TOM1L2: variants seen among roughly 807,000 people sequenced by gnomAD.
TOM1L2 encodes the protein TOM1-like protein 2.
TOM1L2 carries 31 observed loss-of-function variants against 67.9 expected under a neutral mutation model. That is an observed-to-expected ratio of 0.46 (90% CI 0.34 to 0.62). The LOEUF is 0.62. Among genes scored for constraint, TOM1L2 ranks in the 20% least tolerant of loss-of-function variants. The pLI is 0.01. For missense variants in TOM1L2, 606 were observed against 663.5 expected, an observed-to-expected ratio of 0.91 and a Z score of 0.95; for synonymous variants, 256 against 254.0, an observed-to-expected ratio of 1.01 and a Z score of -0.07.
At chr17:17,879,569 A>G in intron 7 of TOM1L2, 58 bp downstream of exon 7, 1 of 1,397,480 alleles carries the variant, frequency 7.2e-7, no homozygotes, top group Non-Finnish European at 1.0e-6. Context: ...GGATCCTCCA[A>G]CAGTGTACGG....
At chr17:17,965,795 C>T (rs1052656348) in intron 1 of TOM1L2, among the ~76,000 whole-genome samples, 1 of 152,178 alleles carries the variant, frequency 6.6e-6, no homozygotes, top group African/African-American at 2.4e-5. Context: ...GTCTCTGGCA[C>T]ATAGGAATAC....
At chr17:17,890,933 C>T (rs2038241112) in intron 4 of TOM1L2, among the ~76,000 whole-genome samples, 1 of 152,194 alleles carries the variant, frequency 6.6e-6, no homozygotes, top group Non-Finnish European at 1.5e-5. Context: ...CCAAGCCACC[C>T]ACAGCTGAAT....
intron 1 of TOM1L2, among the ~76,000 whole-genome samples, chr17:17,958,304 C>G (rs1401594143): frequency 6.6e-6 from 1 of 152,098 alleles, no homozygotes; most frequent in Non-Finnish European, 1.5e-5. Flanking sequence ...CCAGACTTTC[C>G]CAGTCCTAGC....
intron 1 of TOM1L2, among the ~76,000 whole-genome samples, chr17:17,938,117 T>C (rs180964056): frequency 2.6e-5 from 4 of 151,906 alleles, no homozygotes; most frequent in Admixed American, 6.5e-5. Flanking sequence ...CGTGGTGCAA[T>C]GGGAAGAGGA....
chr17:17,851,649 T>G (rs1383701791), intron 12 of TOM1L2, among the ~76,000 whole-genome samples: 1 of 152,174 alleles, frequency 6.6e-6, no homozygotes, highest in African/African-American at 2.4e-5. Flanking sequence ...GGGGCTTTAG[T>G]CTTCTTTGTG....
At chr17:17,963,275 G>A (rs557857501) in intron 1 of TOM1L2, among the ~76,000 whole-genome samples, 68 of 152,174 alleles carry the variant, frequency 4.5e-4, no homozygotes, top group Non-Finnish European at 9.0e-4. Context: ...CTAAGTGCTG[G>A]AAGAGAACAA....
intron 1 of TOM1L2, among the ~76,000 whole-genome samples, chr17:17,924,181 A>G (rs1004422892): frequency 5.3e-5 from 8 of 152,260 alleles, no homozygotes; most frequent in Admixed American, 5.2e-4. Context: ...ATATTGTATG[A>G]TTCCATTTAT....
Position 17,844,424 on chromosome 17 carries a change from G to C in TOM1L2, c.*3211C>G, listed in dbSNP as rs2035539252. 6.6e-6 allele frequency: 1 copy of C among 152,314 alleles called. No individual in the cohort carries two copies. Among genetic ancestry groups the C allele is most frequent in the Non-Finnish European group, 1.5e-5 (1 of 68,092 alleles). The allele number at this position is 152,314 out of a possible 1,614,324, so 9.4% of individuals were successfully genotyped here. ...ACAGCACAGGCCCCAAGACCACCAGGTGGCATGGTGGGGTGGTGGGGGAAG... is the reference window on the plus strand; with the variant it reads ...ACAGCACAGGCCCCAAGACCACCAGCTGGCATGGTGGGGTGGTGGGGGAAG... On this transcript the variant is annotated 3_prime_UTR_variant, in exon 15 of 15. Coordinates refer to ENST00000379504, the MANE Select transcript of TOM1L2 (RefSeq NM_001082968.2).
intron 12 of TOM1L2, among the ~76,000 whole-genome samples, chr17:17,851,798 G>T (rs890746020): frequency 1.7e-4 from 26 of 152,220 alleles, no homozygotes; most frequent in African/African-American, 6.3e-4. Context: ...GGGCGCAGCA[G>T]CCAGAGCCAG....
At chr17:17,928,228 A>T (rs2040177688) in intron 1 of TOM1L2, among the ~76,000 whole-genome samples, 1 of 152,230 alleles carries the variant, frequency 6.6e-6, no homozygotes, top group Non-Finnish European at 1.5e-5. Context: ...CCCTAAGGAA[A>T]TAAATAAGGG....
chr17:17,956,589 G>A (rs984884836), intron 1 of TOM1L2, among the ~76,000 whole-genome samples: 1 of 152,198 alleles, frequency 6.6e-6, no homozygotes, highest in African/African-American at 2.4e-5. Context: ...AGGAGCCCAC[G>A]GCAGGGAGGC....
intron 1 of TOM1L2, among the ~76,000 whole-genome samples, chr17:17,916,426 T>C (rs920465088): frequency 1.3e-5 from 2 of 152,204 alleles, no homozygotes; most frequent in Admixed American, 6.5e-5. Flanking sequence ...GTCTTTGGTC[T>C]GTTTGGGGTT....
At chr17:17,970,965 G>C (rs2042049077) in intron 1 of TOM1L2, among the ~76,000 whole-genome samples, 1 of 152,080 alleles carries the variant, frequency 6.6e-6, no homozygotes, top group Non-Finnish European at 1.5e-5. Context: ...CACTGCCTTG[G>C]GTAAAAAGGC....
chr17:17,848,451 G>A (rs1414095609), intron 14 of TOM1L2, among the ~76,000 whole-genome samples: 1 of 152,220 alleles, frequency 6.6e-6, no homozygotes, highest in Admixed American at 6.5e-5. Flanking sequence ...TGAGGCCCAG[G>A]AGAGGCTCCT....
intron 10 of TOM1L2, 80 bp from the exon 11 acceptor site, chr17:17,862,928 C>A: frequency 2.0e-6 from 2 of 991,220 alleles, no homozygotes; most frequent in Non-Finnish European, 3.0e-6. Flanking sequence ...CAAGCTAGGA[C>A]GCCAGCCAGG....
chr17:17,882,235 C>T (rs2037761289), intron 6 of TOM1L2, among the ~76,000 whole-genome samples: 1 of 152,174 alleles, frequency 6.6e-6, no homozygotes, highest in African/African-American at 2.4e-5. Flanking sequence ...TAGACAAGCC[C>T]GTCACAACTC....
intron 7 of TOM1L2, among the ~76,000 whole-genome samples, chr17:17,876,841 G>A (rs576008643): frequency 6.6e-6 from 1 of 152,346 alleles, no homozygotes; most frequent in African/African-American, 2.4e-5. Context: ...AAGCAAGAGG[G>A]CTGCTGTGAA....
In TOM1L2 at chr17:17,846,030, T is replaced by G. The variant is rs1216910176; in HGVS notation, c.*1605A>C. 1.3e-5 allele frequency: 2 copies of G among 152,292 alleles called. No homozygotes were observed. The highest frequency in any genetic ancestry group is 6.5e-5 in the Admixed American group (1 of 15,276). 9.4% of individuals were successfully genotyped at this position (152,292 alleles called of 1,614,324 possible). On this transcript the variant is annotated 3_prime_UTR_variant, in exon 15 of 15. Transcript: ENST00000379504. Reference sequence around the variant, plus strand: ...TGCTAGCCTGGCACAGGGTCCTGGGTCGGGCAGCACTTGCTCTTCACTGGA... The same window carrying G: ...TGCTAGCCTGGCACAGGGTCCTGGGGCGGGCAGCACTTGCTCTTCACTGGA...
At chr17:17,927,929 A>C (rs1469902502) in intron 1 of TOM1L2, among the ~76,000 whole-genome samples, 1 of 152,132 alleles carries the variant, frequency 6.6e-6, no homozygotes, top group Non-Finnish European at 1.5e-5. Flanking sequence ...AGTCAGCTAT[A>C]CTTTTAAAAA....
Sources: allele counts gnomAD v4.1 joint callset (sites outside exome capture counted in the v4.1 genomes callset), GRCh38; gene constraint gnomAD v4.1.1; transcripts MANE v1.5; gene names NCBI Gene and HGNC (gene_info 2026-07-23, HGNC 2026-07-21).